Variants in IQGAP2 observed in about 807,000 individuals in gnomAD.
The protein encoded by IQGAP2 is ras GTPase-activating-like protein IQGAP2.
IQGAP2 carries 173 observed loss-of-function variants against 201.3 expected under a neutral mutation model. The ratio of observed to expected loss-of-function variants is 0.86; its 90% CI spans 0.76 to 0.98. The LOEUF is 0.98. Ranked by LOEUF, IQGAP2 falls within the 50% of genes least tolerant of loss-of-function variation. The pLI, the probability that IQGAP2 is intolerant of heterozygous loss-of-function variation, is 0.00. For synonymous variants in IQGAP2, 675 were observed against 673.9 expected, an observed-to-expected ratio of 1.00 and a Z score of -0.03; for missense variants, 1,687 against 1,864.8, an observed-to-expected ratio of 0.90 and a Z score of 1.76.
At chr5:76,423,612 C>T (rs148391604) in intron 1 of IQGAP2, among the ~76,000 whole-genome samples, 16 of 152,234 alleles carry the variant, frequency 1.1e-4, no homozygotes, top group African/African-American at 3.6e-4. Flanking sequence ...TAGAGCAAGA[C>T]TTCATCTCAA....
At chr5:76,492,950 A>G (rs1369912737) in intron 2 of IQGAP2, among the ~76,000 whole-genome samples, 1 of 152,160 alleles carries the variant, frequency 6.6e-6, no homozygotes, top group Non-Finnish European at 1.5e-5. Context: ...ATGCTGGTTG[A>G]CTGATATGCG....
intron 2 of IQGAP2, among the ~76,000 whole-genome samples, chr5:76,555,958 C>T (rs573723214): frequency 1.3e-5 from 2 of 152,326 alleles, no homozygotes; most frequent in East Asian, 3.9e-4. Flanking sequence ...CGAATGCAGA[C>T]TCTGGTATTG....
At chr5:76,428,218 G>T (rs1036114549) in intron 1 of IQGAP2, among the ~76,000 whole-genome samples, 1 of 152,038 alleles carries the variant, frequency 6.6e-6, no homozygotes, top group Non-Finnish European at 1.5e-5. Context: ...GGGGTGATGG[G>T]CAGCCAGACA....
At chr5:76,415,236 C>T (rs56950047) in intron 1 of IQGAP2, among the ~76,000 whole-genome samples, 1 of 152,270 alleles carries the variant, frequency 6.6e-6, no homozygotes, top group Non-Finnish European at 1.5e-5. Flanking sequence ...CAAAATAGAA[C>T]AGCAGTAAAA....
At chr5:76,525,273 C>T (rs558131379) in intron 2 of IQGAP2, among the ~76,000 whole-genome samples, 268 of 152,278 alleles carry the variant, frequency 1.8e-3, no homozygotes, top group Non-Finnish European at 3.3e-3. Flanking sequence ...ACATGCCAGC[C>T]GGCAATGCTA....
At chr5:76,642,181 A>G (rs1286740504) in intron 17 of IQGAP2, among the ~76,000 whole-genome samples, 2 of 152,168 alleles carry the variant, frequency 1.3e-5, no homozygotes, top group African/African-American at 4.8e-5. Context: ...AGTCATCTAC[A>G]CTGATGAGAC....
At chr5:76,587,482 T>G (rs1746330744) in intron 5 of IQGAP2, among the ~76,000 whole-genome samples, 1 of 152,204 alleles carries the variant, frequency 6.6e-6, no homozygotes, top group African/African-American at 2.4e-5. Flanking sequence ...TATTCTAGAA[T>G]AATATATACG....
chr5:76,473,856 A>G (rs1308600922), intron 2 of IQGAP2, among the ~76,000 whole-genome samples: 5 of 152,178 alleles, frequency 3.3e-5, no homozygotes, highest in Non-Finnish European at 5.9e-5. Context: ...CAGCACTGAG[A>G]TCTCTTCCTT....
chr5:76,682,767 A>G (rs1371585554), intron 28 of IQGAP2, among the ~76,000 whole-genome samples: 1 of 152,212 alleles, frequency 6.6e-6, no homozygotes, highest in Admixed American at 6.5e-5. Context: ...TTTGCTACCA[A>G]TGTTAACTGA....
At chr5:76,673,903 A>G (rs1310275361) in intron 25 of IQGAP2, 49 bp from the exon 26 acceptor site, 1 of 1,111,660 alleles carries the variant, frequency 9.0e-7, no homozygotes, top group Non-Finnish European at 1.4e-6. Flanking sequence ...TTTTTTCCTC[A>G]CTCCGCCTTT....
At chr5:76,648,228 T>C (rs929767086) in intron 17 of IQGAP2, among the ~76,000 whole-genome samples, 1 of 152,176 alleles carries the variant, frequency 6.6e-6, no homozygotes, top group African/African-American at 2.4e-5. Context: ...GTAAGGTTCC[T>C]TGGGTCCCAA....
intron 11 of IQGAP2, among the ~76,000 whole-genome samples, chr5:76,603,412 T>G (rs946771785): frequency 1.1e-4 from 17 of 152,176 alleles, no homozygotes; most frequent in African/African-American, 3.9e-4. Context: ...AACTAAGCCT[T>G]TTTCCTTCAT....
intron 1 of IQGAP2, among the ~76,000 whole-genome samples, chr5:76,428,109 A>G (rs1752116474): frequency 6.6e-6 from 1 of 152,166 alleles, no homozygotes; most frequent in Admixed American, 6.5e-5. Context: ...ACTCTGAGCT[A>G]TTTGGTGGCT....
intron 2 of IQGAP2, among the ~76,000 whole-genome samples, chr5:76,512,746 GT>G (rs1758053585): frequency 6.6e-6 from 1 of 152,202 alleles, no homozygotes; most frequent in Non-Finnish European, 1.5e-5. Flanking sequence ...TATATACTAT[GT>G]ATGAGTTTTT....
At chr5:76,693,054 C>T (rs768351255) in intron 30 of IQGAP2, among the ~76,000 whole-genome samples, 2 of 152,104 alleles carry the variant, frequency 1.3e-5, no homozygotes, top group African/African-American at 2.4e-5. Context: ...AAGTAGTCTC[C>T]GTCTAAAAAA....
intron 2 of IQGAP2, among the ~76,000 whole-genome samples, chr5:76,532,655 C>T (rs1759381367): frequency 1.3e-5 from 2 of 152,182 alleles, no homozygotes; most frequent in Admixed American, 1.3e-4. Flanking sequence ...TAGGGGTCCA[C>T]CACCAGTCCT....
At chr5:76,664,338 G>A (rs894265450) in intron 21 of IQGAP2, among the ~76,000 whole-genome samples, 6 of 152,186 alleles carry the variant, frequency 3.9e-5, no homozygotes, top group Non-Finnish European at 8.8e-5. Flanking sequence ...TATTGGTTAA[G>A]TTCTATGGGC....
intron 2 of IQGAP2, among the ~76,000 whole-genome samples, chr5:76,561,878 C>A (rs749583374): frequency 5.3e-5 from 8 of 152,144 alleles, no homozygotes; most frequent in African/African-American, 7.2e-5. Context: ...TTTAAAGAAG[C>A]CTTGTCTGCT....
chr5:76,497,711 T>C (rs1054654474), intron 2 of IQGAP2, among the ~76,000 whole-genome samples: 1 of 152,200 alleles, frequency 6.6e-6, no homozygotes, highest in Non-Finnish European at 1.5e-5. Flanking sequence ...CTGAGAATTA[T>C]ATGGGTATTG....
Sources: allele counts gnomAD v4.1 joint callset (sites outside exome capture counted in the v4.1 genomes callset), GRCh38; gene constraint gnomAD v4.1.1; transcripts MANE v1.5; gene names NCBI Gene and HGNC (gene_info 2026-07-23, HGNC 2026-07-21).